PLCB1: variants seen among roughly 807,000 people sequenced by gnomAD.
PLCB1 encodes phospholipase C beta 1.
In PLCB1, 46 loss-of-function variants were observed where a neutral mutation model predicts 161.8. The observed-to-expected ratio is 0.28, with a 90% CI of 0.22 to 0.36. The LOEUF (loss-of-function observed/expected upper bound fraction) is 0.36, where lower values mean the gene tolerates loss of function less well. PLCB1 is among the 10% of genes least tolerant of loss of function. The pLI is 1.00. For synonymous variants in PLCB1, 517 were observed against 503.7 expected (o/e 1.03, Z -0.35); for missense variants, 1,016 against 1,472.5 (o/e 0.69, Z 5.07).
At position 8,884,813 on chromosome 20, in the gene PLCB1, A is replaced by G. The variant is rs981161231; in HGVS notation, c.*2964A>G. On this transcript the variant is annotated 3_prime_UTR_variant, in exon 32 of 32. Transcript: ENST00000338037. ...TCACATTTTTGTAATAATTCTATGC[A>G]ATTTTGTGGCATGATGTTTCTTCCA... 1 of 152,634 alleles carries G rather than the reference A, an allele frequency of 6.6e-6. No individual in the cohort carries two copies. The highest frequency in any genetic ancestry group is 1.5e-5 in the Non-Finnish European group (1 of 68,030). The allele number at this position is 152,634 out of a possible 1,614,324, so 9.5% of individuals were successfully genotyped here.
In PLCB1 at chr20:8,737,155, A is replaced by G. The variant is rs762968564; in HGVS notation, c.2171A>G (p.Asn724Ser). 78 of 1,613,758 alleles carry G rather than the reference A, an allele frequency of 4.8e-5. No homozygotes were observed. Among genetic ancestry groups the G allele is most frequent in the African/African-American group, 6.7e-5 (5 of 74,926 alleles). The change falls in exon 20 of 32, where the codon AAT becomes AGT. Residue 724 changes from asparagine (N) to serine (S), a missense_variant. This residue lies in a region of PLCB1 where 75 missense variants were observed against 117.0 expected (regional missense o/e 0.64). Transcript: ENST00000338037. ...KTKTSQGNAV[N>S]PVWEEEPIVF... ...AAAACATCCCAAGGAAATGCTGTGAATCCTGTCTGGGAAGAAGAACCTATT... is the reference window on the plus strand; with the variant it reads ...AAAACATCCCAAGGAAATGCTGTGAGTCCTGTCTGGGAAGAAGAACCTATT...
intron 3 of PLCB1, among the ~76,000 whole-genome samples, chr20:8,403,505 A>G (rs1277565595): frequency 6.6e-6 from 1 of 152,222 alleles, no homozygotes; most frequent in African/African-American, 2.4e-5. Flanking sequence ...TAATTTGCCC[A>G]GTGGTGCCGT....
In PLCB1 at chr20:8,799,156, G is replaced by A. The variant is rs74873058; in HGVS notation, c.3423+8895G>A. 3.6e-4 allele frequency among the ~76,000 whole-genome samples: 54 copies of A among 152,086 alleles called. No individual in the cohort carries two copies. In the East Asian group the frequency reaches 8.7e-3, roughly 24 times the overall value. Reference sequence around the variant, plus strand: ...TATCAACTTTCTTTCCCCCTCCTTTGTCCATATTTTTCTTTCTTGAGGATG... The same window carrying A: ...TATCAACTTTCTTTCCCCCTCCTTTATCCATATTTTTCTTTCTTGAGGATG... On this transcript the variant is annotated intron_variant, in intron 31 of 31. Transcript: ENST00000338037.
Position 8,790,160 on chromosome 20 carries a change from G to A in PLCB1, c.3337-15G>A. On this transcript the variant is annotated splice_polypyrimidine_tract_variant and intron_variant, in intron 30 of 31. Coordinates refer to ENST00000338037, the MANE Select transcript of PLCB1 (RefSeq NM_015192.4). ...TGTTTAGATGAAAGTAATGTTTCTTGTAACTTTCTTATAGCTAGAAGAAGC... is the reference window on the plus strand; with the variant it reads ...TGTTTAGATGAAAGTAATGTTTCTTATAACTTTCTTATAGCTAGAAGAAGC... 7.0e-6 allele frequency: 11 copies of A among 1,582,184 alleles called. No homozygotes were observed. Among genetic ancestry groups the A allele is most frequent in the Non-Finnish European group, 9.5e-6 (11 of 1,153,848 alleles).
intron 3 of PLCB1, among the ~76,000 whole-genome samples, chr20:8,527,247 A>G (rs1160775278): frequency 6.6e-6 from 1 of 152,134 alleles, no homozygotes. Context: ...TTCCTTAAAT[A>G]GCACCTAGTA....
intron 31 of PLCB1, among the ~76,000 whole-genome samples, chr20:8,825,260 A>C (rs1049415115): frequency 2.0e-5 from 3 of 152,216 alleles, no homozygotes; most frequent in African/African-American, 7.2e-5. Context: ...ACAAACCCAG[A>C]CAAGTTATCT....
Position 8,541,326 on chromosome 20 carries a change from G to C in PLCB1, c.247-86968G>C, listed in dbSNP as rs1189968032. On this transcript the variant is annotated intron_variant, in intron 3 of 31. Transcript: ENST00000338037. ...TAGGCTTTCTTCCACAGGCAGAAGA[G>C]AGCCTTTGAAAGCCTTGGAGCAGAT... 2.0e-5 allele frequency among the ~76,000 whole-genome samples: 3 copies of C among 152,286 alleles called. No individual in the cohort carries two copies. In the East Asian group the frequency reaches 5.8e-4, roughly 29 times the overall value.
chr20:8,186,470 A>G (rs1397791425), intron 2 of PLCB1, among the ~76,000 whole-genome samples: 1 of 152,166 alleles, frequency 6.6e-6, no homozygotes, highest in Non-Finnish European at 1.5e-5. Context: ...AGGCTGTTTC[A>G]TGTCTTTATT....
chr20:8,734,716 T>C (rs1980489735), intron 19 of PLCB1, among the ~76,000 whole-genome samples: 1 of 152,122 alleles, frequency 6.6e-6, no homozygotes, highest in African/African-American at 2.4e-5. Flanking sequence ...TTAGAATACA[T>C]TTTACATGGA....
chr20:8,657,793 C>A (rs755145801), intron 8 of PLCB1, among the ~76,000 whole-genome samples: 2 of 151,998 alleles, frequency 1.3e-5, no homozygotes, highest in Non-Finnish European at 2.9e-5. Flanking sequence ...AGAAAGAAAC[C>A]AAAGCACTAA....
At chr20:8,823,380 C>T (rs191378314) in intron 31 of PLCB1, among the ~76,000 whole-genome samples, 1 of 152,304 alleles carries the variant, frequency 6.6e-6, no homozygotes, top group East Asian at 1.9e-4. Flanking sequence ...GCCTCAGCCT[C>T]CCAAAGTGCT....
chr20:8,602,501 A>C lies in PLCB1; in HGVS notation c.247-25793A>C, dbSNP rs569043136. Among the ~76,000 whole-genome samples, 3 of 152,330 alleles carry C rather than the reference A, an allele frequency of 2.0e-5. No homozygotes were observed. The South Asian group carries it at 6.2e-4, about 32-fold the overall frequency. On this transcript the variant is annotated intron_variant, in intron 3 of 31. Transcript: ENST00000338037. Reference sequence around the variant, plus strand: ...ACAAGCTGTGTAATACACGATGATTAACCAGAGGTTACAGATTCTAGCTGA... The same window carrying C: ...ACAAGCTGTGTAATACACGATGATTCACCAGAGGTTACAGATTCTAGCTGA...
At chr20:8,201,060 G>A (rs570865685) in intron 2 of PLCB1, among the ~76,000 whole-genome samples, 22 of 152,066 alleles carry the variant, frequency 1.4e-4, no homozygotes, top group African/African-American at 5.3e-4. Flanking sequence ...TGTAAGGCAG[G>A]CCCACCTAGG....
At chr20:8,483,703 A>G (rs1186497223) in intron 3 of PLCB1, among the ~76,000 whole-genome samples, 1 of 152,162 alleles carries the variant, frequency 6.6e-6, no homozygotes, top group Non-Finnish European at 1.5e-5. Flanking sequence ...TATATAATTA[A>G]TTTAAATTCT....
Position 8,583,595 on chromosome 20 carries a change from G to A in PLCB1, c.247-44699G>A, listed in dbSNP as rs1015341371. ...AGAACTTTATGATCTGTGTGCTTTCGTTGAGCAGAGAACGTCCCTTTGATT... is the reference window on the plus strand; with the variant it reads ...AGAACTTTATGATCTGTGTGCTTTCATTGAGCAGAGAACGTCCCTTTGATT... On this transcript the variant is annotated intron_variant, in intron 3 of 31. Coordinates refer to ENST00000338037, the MANE Select transcript of PLCB1 (RefSeq NM_015192.4). 5.3e-5 allele frequency among the ~76,000 whole-genome samples: 8 copies of A among 152,198 alleles called. No individual in the cohort carries two copies. The South Asian group carries it at 8.3e-4, about 16-fold the overall frequency.
At chr20:8,138,146 T>G (rs2051367484) in intron 1 of PLCB1, among the ~76,000 whole-genome samples, 1 of 152,216 alleles carries the variant, frequency 6.6e-6, no homozygotes. Context: ...TCTCATAGGT[T>G]TTCTCTCTTA....
chr20:8,143,451 A>C (rs2051423646), intron 1 of PLCB1, among the ~76,000 whole-genome samples: 2 of 152,156 alleles, frequency 1.3e-5, no homozygotes, highest in Non-Finnish European at 2.9e-5. Flanking sequence ...TCTTTTAAGC[A>C]TTGTGCTAGT....
At chr20:8,523,282 G>C (rs1055919090) in intron 3 of PLCB1, among the ~76,000 whole-genome samples, 2 of 151,454 alleles carry the variant, frequency 1.3e-5, no homozygotes, top group African/African-American at 4.9e-5. Context: ...GAAAGAGAAT[G>C]TATACGGCTC....
chr20:8,173,863 T>C (rs1437602836), intron 2 of PLCB1, among the ~76,000 whole-genome samples: 3 of 151,918 alleles, frequency 2.0e-5, no homozygotes, highest in Admixed American at 2.0e-4. Flanking sequence ...AAGAACACAA[T>C]AGGTGGGTTC....
Sources: allele counts gnomAD v4.1 joint callset (sites outside exome capture counted in the v4.1 genomes callset), GRCh38; gene constraint gnomAD v4.1.1; regional missense constraint gnomAD v4.1.1; transcripts MANE v1.5; gene names NCBI Gene and HGNC (gene_info 2026-07-23, HGNC 2026-07-21).